SIMC1: variants seen among roughly 807,000 people sequenced by gnomAD.
SIMC1 encodes the protein SUMO interacting motifs containing 1, also known as SUMO-interacting motif-containing protein 1.
In SIMC1, 55 loss-of-function variants were observed where a neutral mutation model predicts 82.3. That is an observed-to-expected ratio of 0.67 (90% CI 0.54 to 0.84). The LOEUF is 0.84. Ranked by LOEUF, SIMC1 falls within the 40% of genes least tolerant of loss-of-function variation. The pLI, the probability that SIMC1 is intolerant of heterozygous loss-of-function variation, is 0.00. For missense variants in SIMC1, 915 were observed against 1,107.2 expected (o/e 0.83, Z 2.46); for synonymous variants, 353 against 426.3 (o/e 0.83, Z 2.12).
intron 1 of SIMC1, among the ~76,000 whole-genome samples, chr5:176,246,531 C>T (rs542768328): frequency 1.5e-4 from 22 of 151,238 alleles, no homozygotes; most frequent in Non-Finnish European, 2.8e-4. Context: ...CTCCACTTCC[C>T]GGGTTCAAGT....
At chr5:176,307,696 T>C (rs1764488160) in intron 4 of SIMC1, among the ~76,000 whole-genome samples, 2 of 152,202 alleles carry the variant, frequency 1.3e-5, no homozygotes, top group Non-Finnish European at 2.9e-5. Flanking sequence ...CCACCACGCC[T>C]GGCCTTTATC....
intron 4 of SIMC1, 186 bp from the exon 5 acceptor site, chr5:176,313,505 C>T: frequency 1.5e-5 from 24 of 1,551,894 alleles, no homozygotes; most frequent in Non-Finnish European, 2.1e-5. Context: ...TTTCAGCAGT[C>T]ACCCTATTTG....
At chr5:176,309,569 A>G (rs575695193) in intron 4 of SIMC1, among the ~76,000 whole-genome samples, 23 of 152,326 alleles carry the variant, frequency 1.5e-4, no homozygotes, top group Admixed American at 1.4e-3. Context: ...AGAAGAGGAA[A>G]AGATAAACTA....
intron 4 of SIMC1, among the ~76,000 whole-genome samples, chr5:176,306,344 T>G (rs1043093795): frequency 1.4e-5 from 2 of 139,424 alleles, no homozygotes; most frequent in African/African-American, 2.5e-5. Flanking sequence ...GAGGGGCACC[T>G]CTGCCCAGCC....
intron 1 of SIMC1, among the ~76,000 whole-genome samples, chr5:176,289,287 G>C (rs1469742548): frequency 6.6e-6 from 1 of 152,080 alleles, no homozygotes; most frequent in Non-Finnish European, 1.5e-5. Flanking sequence ...TTTCACATTT[G>C]CTTCACTTCT....
At chr5:176,265,463 G>C (rs1286122299) in intron 1 of SIMC1, among the ~76,000 whole-genome samples, 1 of 152,206 alleles carries the variant, frequency 6.6e-6, no homozygotes, top group Non-Finnish European at 1.5e-5. Context: ...CAGTTTGCTG[G>C]TATAGGTGAA....
At chr5:176,331,900 C>T (rs1487279072) in intron 7 of SIMC1, among the ~76,000 whole-genome samples, 2 of 151,822 alleles carry the variant, frequency 1.3e-5, no homozygotes, top group Non-Finnish European at 2.9e-5. Flanking sequence ...ACCCAGGAGG[C>T]CGAGGCTGCA....
chr5:176,279,414 C>CA (rs963404447), intron 1 of SIMC1, among the ~76,000 whole-genome samples: 1 of 151,888 alleles, frequency 6.6e-6, no homozygotes, highest in South Asian at 2.1e-4. Context: ...TTGATCGTTT[C>CA]AAAAAACCAG....
chr5:176,297,504 A>G (rs1167905705), intron 4 of SIMC1, among the ~76,000 whole-genome samples: 15 of 108,726 alleles, frequency 1.4e-4, no homozygotes, highest in African/African-American at 4.7e-4. Flanking sequence ...CTCTGTCTCA[A>G]AAAAAAAAAA....
At chr5:176,247,639 T>C (rs1378416144) in intron 1 of SIMC1, among the ~76,000 whole-genome samples, 3 of 152,184 alleles carry the variant, frequency 2.0e-5, no homozygotes, top group African/African-American at 7.2e-5. Context: ...ATTTTGGCTT[T>C]TGTTGCCATT....
chr5:176,332,020 C>T (rs1765692853), intron 7 of SIMC1, among the ~76,000 whole-genome samples: 1 of 151,310 alleles, frequency 6.6e-6, no homozygotes, highest in Non-Finnish European at 1.5e-5. Context: ...TTCAGTATGT[C>T]TGAAATTGTC....
chr5:176,244,848 A>G (rs1761386193), intron 1 of SIMC1, among the ~76,000 whole-genome samples: 2 of 150,818 alleles, frequency 1.3e-5, no homozygotes, highest in Non-Finnish European at 3.0e-5. Context: ...CAGACTCCCA[A>G]GCAGCTGGGA....
At chr5:176,328,639 T>C (rs1002870717) in intron 7 of SIMC1, among the ~76,000 whole-genome samples, 1 of 152,044 alleles carries the variant, frequency 6.6e-6, no homozygotes, top group Admixed American at 6.6e-5. Flanking sequence ...GGGCATAAAT[T>C]TAATGTTTTA....
chr5:176,313,953 T>C, intron 5 of SIMC1, 108 bp downstream of exon 5: 3 of 1,376,824 alleles, frequency 2.2e-6, no homozygotes, highest in South Asian at 1.4e-5. Flanking sequence ...CAGTAGATAG[T>C]GTAATAGGGC....
chr5:176,318,808 GT>G (rs1425742786), intron 5 of SIMC1, among the ~76,000 whole-genome samples: 1 of 152,204 alleles, frequency 6.6e-6, no homozygotes, highest in African/African-American at 2.4e-5. Context: ...CAGAATTGCT[GT>G]TAAGAAATGG....
chr5:176,280,450 T>G (rs945325791), intron 1 of SIMC1, among the ~76,000 whole-genome samples: 1 of 152,180 alleles, frequency 6.6e-6, no homozygotes, highest in Non-Finnish European at 1.5e-5. Context: ...AAGTTAATAT[T>G]GTTATGTGTG....
At chr5:176,257,993 GTTAGTTTTA>G (rs1387571525) in intron 1 of SIMC1, among the ~76,000 whole-genome samples, 1 of 152,168 alleles carries the variant, frequency 6.6e-6, no homozygotes, top group Non-Finnish European at 1.5e-5. Flanking sequence ...GAACCACTAC[GTTAGTTTTA>G]TAAGTTAATT....
In SIMC1 at chr5:176,292,468, T is replaced by C. The variant is rs189504073; in HGVS notation, c.1431+1513T>C. On this transcript the variant is annotated intron_variant, in intron 2 of 9. Coordinates refer to ENST00000429602, the MANE Select transcript of SIMC1 (RefSeq NM_001308195.2). ...TGACCTTGGAGAATGATTTTTTTTC[T>C]CTTTTTTAAAATTATTACATCTTCT... 2.4e-3 allele frequency among the ~76,000 whole-genome samples: 369 copies of C among 152,310 alleles called. 1 individual carries two copies. The highest frequency in any genetic ancestry group is 6.1e-3 in the Admixed American group (94 of 15,296).
intron 4 of SIMC1, among the ~76,000 whole-genome samples, chr5:176,310,094 A>T (rs1478040397): frequency 6.6e-6 from 1 of 152,264 alleles, no homozygotes; most frequent in Non-Finnish European, 1.5e-5. Context: ...TGCAAATTGA[A>T]ACCACAGTGA....
Sources: gnomAD v4.1 joint callset for allele counts (sites outside exome capture counted in the v4.1 genomes callset) on GRCh38, gnomAD v4.1.1 for gene constraint, MANE v1.5 for transcripts, NCBI Gene and HGNC (gene_info 2026-07-23, HGNC 2026-07-21) for gene names.